The following AFG2A variants were observed in gnomAD, a reference collection of about 807,000 sequenced individuals.
The protein encoded by AFG2A is AAA ATPase AFG2A.
the AFG2A span, among the ~76,000 whole-genome samples, chr4:122,927,149 A>G: frequency 6.6e-6 from 1 of 152,192 alleles, no homozygotes; most frequent in Non-Finnish European, 1.5e-5. Context: ...TATAAGGAAG[A>G]CGACTTCTGT....
At chr4:123,308,913 G>T in the AFG2A span, among the ~76,000 whole-genome samples, 1 of 152,008 alleles carries the variant, frequency 6.6e-6, no homozygotes, top group Non-Finnish European at 1.5e-5. Flanking sequence ...AAACACACTG[G>T]CCTTCCTTCT....
the AFG2A span, among the ~76,000 whole-genome samples, chr4:123,088,783 TG>T: frequency 6.6e-6 from 1 of 152,132 alleles, no homozygotes; most frequent in Non-Finnish European, 1.5e-5. Context: ...CAGCCATAAT[TG>T]TTAGTTTCCT....
the AFG2A span, among the ~76,000 whole-genome samples, chr4:123,041,337 A>T: frequency 4.1e-5 from 6 of 144,906 alleles, no homozygotes; most frequent in Admixed American, 2.8e-4. Context: ...TAGCCAGGAT[A>T]GTCTCGATCT....
the AFG2A span, among the ~76,000 whole-genome samples, chr4:123,058,930 C>T: frequency 6.6e-6 from 1 of 152,134 alleles, no homozygotes; most frequent in South Asian, 2.1e-4. Flanking sequence ...AGACCAAAGT[C>T]TCATCTGAGA....
the AFG2A span, among the ~76,000 whole-genome samples, chr4:123,182,849 C>T: frequency 6.6e-6 from 1 of 152,136 alleles, no homozygotes; most frequent in African/African-American, 2.4e-5. Flanking sequence ...AGTGGTAGCT[C>T]ATCTGTTGGG....
At chr4:122,994,285 T>C in the AFG2A span, among the ~76,000 whole-genome samples, 1 of 152,160 alleles carries the variant, frequency 6.6e-6, no homozygotes, top group Non-Finnish European at 1.5e-5. Flanking sequence ...AAAGAAGTCC[T>C]TTATGTTTTC....
chr4:123,256,259 C>T, the AFG2A span: 1 of 1,505,492 alleles, frequency 6.6e-7, no homozygotes, highest in Non-Finnish European at 9.0e-7. Context: ...AATTGCTTGC[C>T]CTGAGGTGTT....
the AFG2A span, among the ~76,000 whole-genome samples, chr4:123,104,656 A>G: frequency 0.1 from 15,935 of 152,320 alleles, 932 homozygotes; most frequent in Middle Eastern, 0.2. Context: ...CAGTGAACAC[A>G]TGAATGATAA....
the AFG2A span, among the ~76,000 whole-genome samples, chr4:123,167,218 T>C: frequency 6.7e-6 from 1 of 148,524 alleles, no homozygotes; most frequent in South Asian, 2.1e-4. Flanking sequence ...ATTTGATATA[T>C]ATACTTACAT....
chr4:123,232,732 A>G, the AFG2A span, among the ~76,000 whole-genome samples: 1 of 152,032 alleles, frequency 6.6e-6, no homozygotes, highest in Non-Finnish European at 1.5e-5. Flanking sequence ...GAACTTGAAG[A>G]TACTGCATTG....
At chr4:123,086,742 C>T in the AFG2A span, among the ~76,000 whole-genome samples, 1 of 151,466 alleles carries the variant, frequency 6.6e-6, no homozygotes, top group Admixed American at 6.6e-5. Flanking sequence ...TAAAGTTTTC[C>T]TTATCCTTGC....
the AFG2A span, among the ~76,000 whole-genome samples, chr4:123,226,470 C>CCT: frequency 6.6e-6 from 1 of 151,056 alleles, no homozygotes; most frequent in East Asian, 2.0e-4. Flanking sequence ...TTGAGATAAT[C>CCT]GTGGTTTTTG....
At chr4:123,098,607 A>G in the AFG2A span, among the ~76,000 whole-genome samples, 101 of 152,208 alleles carry the variant, frequency 6.6e-4, 1 homozygote, top group African/African-American at 2.4e-3. Flanking sequence ...TATAAGCAAG[A>G]TCATGCACTA....
the AFG2A span, chr4:122,979,188 A>T: frequency 6.3e-7 from 1 of 1,593,946 alleles, no homozygotes; most frequent in East Asian, 2.2e-5. Flanking sequence ...GTCTGTATTT[A>T]TGAAGGAAAA....
chr4:123,256,890 T>C, the AFG2A span: 30 of 970,386 alleles, frequency 3.1e-5, no homozygotes, highest in Non-Finnish European at 3.6e-5. Context: ...GCAACTTTTC[T>C]AGCTGCATTT....
chr4:123,271,100 C>T, the AFG2A span, among the ~76,000 whole-genome samples: 1 of 152,282 alleles, frequency 6.6e-6, no homozygotes, highest in Non-Finnish European at 1.5e-5. Context: ...CTGAATATAG[C>T]AAGAACAATG....
the AFG2A span, among the ~76,000 whole-genome samples, chr4:123,248,786 C>T: frequency 6.6e-6 from 1 of 152,142 alleles, no homozygotes; most frequent in South Asian, 2.1e-4. Context: ...ATTATTCTAA[C>T]CTCGTAGCTC....
chr4:123,151,928 C>A, the AFG2A span, among the ~76,000 whole-genome samples: 1 of 152,096 alleles, frequency 6.6e-6, no homozygotes, highest in African/African-American at 2.4e-5. Context: ...ACATATACAC[C>A]ATGAAATACT....
At chr4:123,144,182 T>A in the AFG2A span, among the ~76,000 whole-genome samples, 1 of 152,078 alleles carries the variant, frequency 6.6e-6, no homozygotes, top group South Asian at 2.1e-4. Context: ...ATTACTGTAA[T>A]CATTTTCTTT....
Sources: gnomAD v4.1 joint callset for allele counts (sites outside exome capture counted in the v4.1 genomes callset) on GRCh38, gnomAD v4.1.1 for gene constraint, MANE v1.5 for transcripts, NCBI Gene and HGNC (gene_info 2026-07-23, HGNC 2026-07-21) for gene names.